ADAM8: variants seen among roughly 807,000 people sequenced by gnomAD.
ADAM8 encodes the protein disintegrin and metalloproteinase domain-containing protein 8.
A neutral mutation model predicts 102.4 loss-of-function variants in ADAM8; 104 were observed. The ratio of observed to expected loss-of-function variants is 1.02; its 90% CI spans 0.87 to 1.20. ADAM8 has a LOEUF of 1.20. Ranked by LOEUF, ADAM8 falls within the 50% of genes most tolerant of loss-of-function variation. The pLI is 0.00. For missense variants in ADAM8, 1,132 were observed against 1,159.0 expected (o/e 0.98, Z 0.34); for synonymous variants, 517 against 485.2 (o/e 1.07, Z -0.86).
At chr10:133,267,539 A>G in intron 20 of ADAM8, 122 bp from the exon 21 acceptor site, 1 of 969,136 alleles carries the variant, frequency 1.0e-6, no homozygotes, top group Non-Finnish European at 1.5e-6. Flanking sequence ...TGCGCGGCCC[A>G]CAGGGCCCCA....
At chr10:133,265,666 G>T (rs572986434) in intron 21 of ADAM8, among the ~76,000 whole-genome samples, 3 of 151,998 alleles carry the variant, frequency 2.0e-5, no homozygotes, top group African/African-American at 7.2e-5. Flanking sequence ...GCATGGTCGC[G>T]GGCACCTGTA....
chr10:133,270,914 G>A lies in ADAM8; in HGVS notation c.1531C>T (p.Leu511=). 6.2e-7 allele frequency: 1 copy of A among 1,612,620 alleles called. No homozygotes were observed. The change falls in exon 14 of 23, where the codon CTG becomes TTG. Residue 511 remains leucine (L), a synonymous_variant. Transcript: ENST00000445355. ...CAGAAGGCCTGGCACTGCTGGGCCA[G>A]TGTGGGACAGGCCCCGTTGTAGCAG... The part of the protein sequence containing the change: ...GYCYNGACPT[L]AQQCQAFWGP...
intron 21 of ADAM8, among the ~76,000 whole-genome samples, chr10:133,267,094 AG>A (rs1048496030): frequency 6.6e-6 from 1 of 151,956 alleles, no homozygotes; most frequent in African/African-American, 2.4e-5. Flanking sequence ...TGGGCGGAGC[AG>A]GTCTGAGTGG....
Position 133,272,697 on chromosome 10 carries a change from T to C in ADAM8, c.705+101A>G, listed in dbSNP as rs1252831707. The stretch of plus-strand genomic sequence containing the variant: ...ACGGCGAGGTGGGGCCAGGCACAGG[T>C]GCGGGGCAGAGCTGGAGCAGGTGGA... On this transcript the variant is annotated intron_variant, in intron 8 of 22. Transcript: ENST00000445355. 2.0e-5 allele frequency: 31 copies of C among 1,534,786 alleles called. No homozygotes were observed. The South Asian group carries it at 2.7e-4, about 13-fold the overall frequency.
At position 133,263,139 on chromosome 10, in the gene ADAM8, C is replaced by G; in HGVS notation, c.*17G>C. 1 of 1,614,076 alleles carries G rather than the reference C, an allele frequency of 6.2e-7. No individual in the cohort carries two copies. The highest frequency in any genetic ancestry group is 8.5e-7 in the Non-Finnish European group (1 of 1,179,922). On this transcript the variant is annotated 3_prime_UTR_variant, in exon 23 of 23. Coordinates refer to ENST00000445355, the MANE Select transcript of ADAM8 (RefSeq NM_001109.5). ...GCCGCAACTTCTCCAAATTTCCACACAGGCGCAGGTGCCCCCCTAGGGTGC... is the reference window on the plus strand; with the variant it reads ...GCCGCAACTTCTCCAAATTTCCACAGAGGCGCAGGTGCCCCCCTAGGGTGC...
chr10:133,270,076 G>T, intron 16 of ADAM8, 102 bp from the exon 17 acceptor site: 3 of 1,341,302 alleles, frequency 2.2e-6, no homozygotes, highest in African/African-American at 1.4e-5. Flanking sequence ...TGGTCACCAC[G>T]TCCAAGGTGG....
chr10:133,273,885 C>T, intron 4 of ADAM8, 47 bp from the exon 5 acceptor site: 1 of 1,552,416 alleles, frequency 6.4e-7, no homozygotes, highest in Non-Finnish European at 8.7e-7. Flanking sequence ...CCCCCATGGC[C>T]CCACAGGCTC....
At position 133,270,392 on chromosome 10, in the gene ADAM8, C is replaced by T. The variant is rs757333903; in HGVS notation, c.1753G>A (p.Val585Met). Residue 585 changes from valine to methionine, a missense_variant, in exon 16 of 23, where the codon GTG (valine) becomes ATG (methionine). By Grantham distance (21) the Val-to-Met change is conservative. Transcript: ENST00000445355. ...GGTCCACACCGGGTGCCCTCGGGCA[C>T]TGGTTCATACGCAGTGCCATCCTCT... ...TTEDGTAYEPVPEGTRCGPEK... is the reference protein window; with the variant it reads ...TTEDGTAYEPMPEGTRCGPEK... The T allele has an allele frequency of 1.1e-5, 18 of 1,592,450 alleles. No individual in the cohort carries two copies. Among genetic ancestry groups the T allele is most frequent in the Non-Finnish European group, 1.5e-5 (17 of 1,163,516 alleles).
chr10:133,274,640 G>A (rs1846681024), intron 2 of ADAM8, among the ~76,000 whole-genome samples: 1 of 152,082 alleles, frequency 6.6e-6, no homozygotes, highest in African/African-American at 2.4e-5. Context: ...CCACGCATGG[G>A]TAACGACAAT....
intron 4 of ADAM8, 35 bp downstream of exon 4, chr10:133,273,916 T>C (rs1004016460): frequency 6.4e-7 from 1 of 1,569,094 alleles, no homozygotes; most frequent in Non-Finnish European, 8.6e-7. Context: ...GCCCAGCCCC[T>C]ACCTGCCCGC....
chr10:133,266,930 C>T (rs978568116), intron 21 of ADAM8, among the ~76,000 whole-genome samples: 6 of 152,164 alleles, frequency 3.9e-5, no homozygotes, highest in Non-Finnish European at 7.4e-5. Flanking sequence ...TCCAGTGATT[C>T]GGGTTTTGAG....
intron 16 of ADAM8, 42 bp from the exon 17 acceptor site, chr10:133,270,016 C>G (rs781427438): frequency 6.3e-7 from 1 of 1,598,888 alleles, no homozygotes. Context: ...CTCTGGACCT[C>G]TGCCCCGCCA....
At position 133,271,357 on chromosome 10, in the gene ADAM8, C is replaced by A. The variant is rs1352337978; in HGVS notation, c.1285-68G>T. ...GGCTGGGCTCCAGGGCGGACCTGGC[C>A]GCCTCCCCTGACCACTGGGGTGCCC... On this transcript the variant is annotated intron_variant, in intron 12 of 22. Coordinates refer to ENST00000445355, the MANE Select transcript of ADAM8 (RefSeq NM_001109.5). 11 of 1,544,092 alleles carry A rather than the reference C, an allele frequency of 7.1e-6. No homozygotes were observed. In the Admixed American group the frequency reaches 7.7e-5, roughly 11 times the overall value.
In ADAM8 at chr10:133,263,683, C is replaced by T; in HGVS notation, c.2397+5G>A. On this transcript the variant is annotated splice_donor_5th_base_variant and intron_variant, in intron 22 of 22. Transcript: ENST00000445355. ...GACTCTGCCTGGTGTGTGCTGGGGC[C>T]TCACCTCAGCTGGACCAGGGTTGGC... The T allele has an allele frequency of 1.6e-6, 2 of 1,247,882 alleles. No homozygotes were observed. Among genetic ancestry groups the T allele is most frequent in the Non-Finnish European group, 2.1e-6 (2 of 972,878 alleles). 77.3% of individuals were successfully genotyped at this position (1,247,882 alleles called of 1,614,324 possible). A position where few individuals can be genotyped will look rare whatever the true frequency, so the allele number is the denominator to read the frequency against.
chr10:133,264,710 G>A (rs1409639348), intron 21 of ADAM8, among the ~76,000 whole-genome samples: 1 of 146,536 alleles, frequency 6.8e-6, no homozygotes, highest in Non-Finnish European at 1.5e-5. Context: ...TGCCACGCCT[G>A]TTCCTGCTGC....
chr10:133,268,213 G>A, intron 19 of ADAM8, 95 bp from the exon 20 acceptor site: 1 of 1,115,998 alleles, frequency 9.0e-7, no homozygotes, highest in Non-Finnish European at 1.2e-6. Context: ...GCCGACCCGA[G>A]AGGCTTCAGG....
At chr10:133,268,580 G>A (rs540745604) in intron 19 of ADAM8, among the ~76,000 whole-genome samples, 168 bp downstream of exon 19, 1 of 152,352 alleles carries the variant, frequency 6.6e-6, no homozygotes, top group Admixed American at 6.5e-5. Context: ...GTGGAGCCAG[G>A]AAGGCCCTTC....
chr10:133,268,154 G>T, intron 19 of ADAM8, 36 bp from the exon 20 acceptor site: 4 of 1,252,074 alleles, frequency 3.2e-6, no homozygotes, highest in Non-Finnish European at 4.0e-6. Context: ...GTCAGTGTCC[G>T]GCCATGGGGC....
chr10:133,274,369 A>G, intron 2 of ADAM8, 134 bp from the exon 3 acceptor site: 2 of 439,752 alleles, frequency 4.5e-6, no homozygotes, highest in Non-Finnish European at 7.1e-6. Flanking sequence ...TCCATCCTGG[A>G]GGGTCCACAG....
Sources: allele counts gnomAD v4.1 joint callset (sites outside exome capture counted in the v4.1 genomes callset), GRCh38; gene constraint gnomAD v4.1.1; transcripts MANE v1.5; gene names NCBI Gene and HGNC (gene_info 2026-07-23, HGNC 2026-07-21).